Variants in THSD4 observed in about 807,000 individuals in gnomAD.
The protein encoded by THSD4 is thrombospondin type 1 domain containing 4, also known as thrombospondin type-1 domain-containing protein 4.
Under a neutral mutation model 119.0 loss-of-function variants are expected in THSD4, and 69 were observed. The ratio of observed to expected loss-of-function variants is 0.58; its 90% confidence interval spans 0.48 to 0.71. THSD4 has a LOEUF of 0.71. Ranked by LOEUF, THSD4 falls within the 30% of genes least tolerant of loss-of-function variation. THSD4 has a pLI of 0.00. For synonymous variants in THSD4, 524 were observed against 540.4 expected (o/e 0.97, Z 0.42); for missense variants, 1,393 against 1,391.1 (o/e 1.00, Z -0.02).
intron 6 of THSD4, among the ~76,000 whole-genome samples, chr15:71,388,661 AGAGTGTGT>A (rs1310317930): frequency 4.2e-4 from 59 of 142,080 alleles, no homozygotes; most frequent in Admixed American, 1.4e-3. Flanking sequence ...TTCTTTGGAG[AGAGTGTGT>A]GTGTGTGTGT....
At chr15:71,728,984 T>C in intron 9 of THSD4, 2 of 493,854 alleles carry the variant, frequency 4.0e-6, no homozygotes, top group South Asian at 5.0e-5. Flanking sequence ...CCAATTTTAC[T>C]TGTTGAACCA....
chr15:71,690,740 G>A (rs1342905476), intron 8 of THSD4, among the ~76,000 whole-genome samples: 1 of 152,014 alleles, frequency 6.6e-6, no homozygotes, highest in African/African-American at 2.4e-5. Flanking sequence ...GATGGCAGCA[G>A]GCAAAAAAAG....
chr15:71,493,774 T>C (rs1458775105), intron 7 of THSD4, among the ~76,000 whole-genome samples: 1 of 152,232 alleles, frequency 6.6e-6, no homozygotes, highest in Non-Finnish European at 1.5e-5. Flanking sequence ...GCTAGACACT[T>C]CATACCCGGT....
chr15:71,697,814 G>C (rs534374404), intron 8 of THSD4, among the ~76,000 whole-genome samples: 7 of 152,210 alleles, frequency 4.6e-5, no homozygotes, highest in African/African-American at 1.7e-4. Context: ...TATCTTTCCA[G>C]TTACAAAATA....
At chr15:71,352,399 C>G (rs2045755238) in intron 6 of THSD4, among the ~76,000 whole-genome samples, 2 of 152,196 alleles carry the variant, frequency 1.3e-5, no homozygotes, top group African/African-American at 4.8e-5. Flanking sequence ...GTTTGTTTCC[C>G]TTGCCAACAA....
chr15:71,355,156 G>A (rs1005412587), intron 6 of THSD4, among the ~76,000 whole-genome samples: 5 of 152,150 alleles, frequency 3.3e-5, no homozygotes, highest in African/African-American at 7.2e-5. Flanking sequence ...CTTCTTTCTG[G>A]AGATTTCTGT....
intron 4 of THSD4, among the ~76,000 whole-genome samples, chr15:71,222,396 C>A (rs28409664): frequency 1.3e-5 from 2 of 152,178 alleles, no homozygotes; most frequent in African/African-American, 2.4e-5. Context: ...CTTTTCTGGT[C>A]ATTCATCACA....
Position 71,419,589 on chromosome 15 carries a change from A to T in THSD4, c.1152+7766A>T, listed in dbSNP as rs1244720952. Among the ~76,000 whole-genome samples the T allele has an allele frequency of 2.8e-5, 3 of 107,426 alleles. 1 individual carries two copies. Among genetic ancestry groups the T allele is most frequent in the Non-Finnish European group, 6.1e-5 (3 of 48,984 alleles). The allele number at this position is 107,426 out of a possible 152,430, so 70.5% of individuals were successfully genotyped here. A position where few individuals can be genotyped will look rare whatever the true frequency, so the allele number is the denominator to read the frequency against. On this transcript the variant is annotated intron_variant, in intron 7 of 17. Transcript: ENST00000261862. ...TCGGTTGTTTGTTTGAAGTTTTTCT[A>T]CTTTTTTGATGTAGGTGCTTATAAG...
chr15:71,257,887 G>GA (rs1255956649), intron 6 of THSD4, among the ~76,000 whole-genome samples: 1 of 152,048 alleles, frequency 6.6e-6, no homozygotes, highest in East Asian at 1.9e-4. Flanking sequence ...ATGTACAGAG[G>GA]AAACATAGAG....
chr15:71,664,413 C>G (rs8037475), intron 8 of THSD4, among the ~76,000 whole-genome samples: 40,284 of 151,820 alleles, frequency 0.27, 6,220 homozygotes, highest in East Asian at 0.74. Context: ...TAACTGATTC[C>G]CCAGTAACAA....
intron 6 of THSD4, among the ~76,000 whole-genome samples, chr15:71,312,084 T>C (rs2045118264): frequency 6.6e-6 from 1 of 152,242 alleles, no homozygotes; most frequent in Non-Finnish European, 1.5e-5. Flanking sequence ...TTTGTTTCCC[T>C]GCCCTCTGTT....
chr15:71,366,427 T>C (rs537289559), intron 6 of THSD4, among the ~76,000 whole-genome samples: 231 of 152,248 alleles, frequency 1.5e-3, no homozygotes, highest in Non-Finnish European at 2.9e-3. Context: ...ATGAGTACCA[T>C]TGTGATATCT....
intron 7 of THSD4, among the ~76,000 whole-genome samples, chr15:71,635,389 A>G (rs148390032): frequency 6.9e-6 from 1 of 145,066 alleles, no homozygotes; most frequent in Non-Finnish European, 1.5e-5. Context: ...ACACACACAC[A>G]CTCTTTATTT....
chr15:71,447,687 C>G (rs2047205186), intron 7 of THSD4, among the ~76,000 whole-genome samples: 1 of 152,184 alleles, frequency 6.6e-6, no homozygotes. Context: ...TGAGTTGTGT[C>G]AATTAGCGAT....
intron 6 of THSD4, among the ~76,000 whole-genome samples, chr15:71,395,097 C>T (rs1025534200): frequency 1.3e-5 from 2 of 152,204 alleles, no homozygotes; most frequent in African/African-American, 4.8e-5. Context: ...TGAGTAGTTA[C>T]AGGCCCAGTT....
chr15:71,445,546 AACC>A (rs1472556315), intron 7 of THSD4, among the ~76,000 whole-genome samples: 4 of 152,184 alleles, frequency 2.6e-5, no homozygotes, highest in African/African-American at 9.6e-5. Context: ...CTCATCTCAC[AACC>A]TCAGAGTGCA....
chr15:71,511,228 T>C (rs1218085145), intron 7 of THSD4, among the ~76,000 whole-genome samples: 2 of 152,176 alleles, frequency 1.3e-5, no homozygotes, highest in African/African-American at 2.4e-5. Flanking sequence ...GGTAACCAAG[T>C]TGGTCTTGAG....
At chr15:71,572,776 G>A (rs1224692847) in intron 7 of THSD4, among the ~76,000 whole-genome samples, 1 of 152,192 alleles carries the variant, frequency 6.6e-6, no homozygotes, top group Non-Finnish European at 1.5e-5. Context: ...GCTGACTCAA[G>A]CTACTTCTCA....
chr15:71,727,553 AAT>A (rs869196877), intron 8 of THSD4, among the ~76,000 whole-genome samples: 1 of 122,828 alleles, frequency 8.1e-6, no homozygotes, highest in African/African-American at 3.9e-5. Context: ...AAAAAAAAAA[AAT>A]ATATATATAT....
Sources: gnomAD v4.1 joint callset for allele counts (sites outside exome capture counted in the v4.1 genomes callset) on GRCh38, gnomAD v4.1.1 for gene constraint, MANE v1.5 for transcripts, NCBI Gene and HGNC (gene_info 2026-07-23, HGNC 2026-07-21) for gene names.